The following SH3GL1 variants were observed in gnomAD, a reference collection of about 807,000 sequenced individuals.
SH3GL1 encodes the protein endophilin-A2.
Under a neutral mutation model 48.8 loss-of-function variants are expected in SH3GL1, and 21 were observed. The ratio of observed to expected loss-of-function variants is 0.43; its 90% confidence interval spans 0.30 to 0.62. SH3GL1 has a LOEUF of 0.62. SH3GL1 is among the 20% of genes least tolerant of loss of function. SH3GL1 has a pLI of 0.11. For missense variants in SH3GL1, 454 were observed against 503.0 expected (o/e 0.90, Z 0.93); for synonymous variants, 282 against 217.5 (o/e 1.30, Z -2.61).
At chr19:4,391,669 C>A (rs1359151096) in intron 1 of SH3GL1, among the ~76,000 whole-genome samples, 4 of 152,308 alleles carry the variant, frequency 2.6e-5, no homozygotes, top group African/African-American at 9.6e-5. Context: ...CCAGGTGAGC[C>A]AGGTTTCACA....
intron 3 of SH3GL1, among the ~76,000 whole-genome samples, chr19:4,366,051 C>T (rs183768279): frequency 5.3e-5 from 8 of 152,150 alleles, no homozygotes; most frequent in African/African-American, 1.2e-4. Context: ...GCTGGGTGTG[C>T]GTCTGCCCCC....
chr19:4,376,103 G>A lies in SH3GL1; in HGVS notation c.46-9109C>T, dbSNP rs770317936. Among the ~76,000 whole-genome samples the A allele has an allele frequency of 3.3e-5, 5 of 152,228 alleles. No homozygotes were observed. The highest frequency in any genetic ancestry group is 5.9e-5 in the Non-Finnish European group (4 of 68,038). On this transcript the variant is annotated intron_variant, in intron 1 of 9. Transcript: ENST00000269886. The surrounding 1 kb of genome is among the most constrained non-coding windows in gnomAD (Gnocchi z 4.3). Reference sequence around the variant, plus strand: ...AGGCTGCAGGTGCACAGATCTCAACGAGGGGCCGTGAGTTCCCTCACTCCC... The same window carrying A: ...AGGCTGCAGGTGCACAGATCTCAACAAGGGGCCGTGAGTTCCCTCACTCCC...
intron 1 of SH3GL1, among the ~76,000 whole-genome samples, chr19:4,385,295 T>C (rs1973215895): frequency 6.6e-6 from 1 of 152,180 alleles, no homozygotes; most frequent in Admixed American, 6.5e-5. Flanking sequence ...CATTCTTAGC[T>C]GCCTTTCTGG....
At chr19:4,381,257 TCTG>T in intron 1 of SH3GL1, among the ~76,000 whole-genome samples, 2 of 109,978 alleles carry the variant, frequency 1.8e-5, no homozygotes, top group Non-Finnish European at 3.8e-5. Flanking sequence ...TCTGCCTCTC[TCTG>T]TCCCCCTACC....
At chr19:4,396,834 T>C (rs1310918776) in intron 1 of SH3GL1, among the ~76,000 whole-genome samples, 1 of 152,104 alleles carries the variant, frequency 6.6e-6, no homozygotes, top group African/African-American at 2.4e-5. Context: ...ACCAAAAAGG[T>C]CCCAGACATT....
intron 1 of SH3GL1, among the ~76,000 whole-genome samples, chr19:4,398,628 C>T (rs1421033466): frequency 6.6e-6 from 1 of 152,164 alleles, no homozygotes; most frequent in African/African-American, 2.4e-5. Flanking sequence ...CCGCCTCGGC[C>T]TCCCAAACTG....
In SH3GL1 at chr19:4,400,166, G is replaced by T. The variant is rs1319142703; in HGVS notation, c.45+158C>A. On this transcript the variant is annotated intron_variant, in intron 1 of 9. Transcript: ENST00000269886. The surrounding 1 kb of genome is among the most constrained non-coding windows in gnomAD (Gnocchi z 4.1). ...CGGGCAGGGCCTGGGCCACCTCGTC[G>T]CCCCCGTCCGTCCCTTGGTCTTCCC... 6.6e-6 allele frequency among the ~76,000 whole-genome samples: 1 copy of T among 152,120 alleles called. No individual in the cohort carries two copies. Among genetic ancestry groups the T allele is most frequent in the East Asian group, 1.9e-4 (1 of 5,174 alleles).
chr19:4,360,948 C>G lies in SH3GL1; in HGVS notation c.*652G>C. ...GCAGGGCCCTGCAGGAGACCATGTT[C>G]TCTGTCCTCAGGCAGATCCCAGCTG... is the stretch of plus-strand genomic sequence containing the variant. On this transcript the variant is annotated 3_prime_UTR_variant, in exon 10 of 10. Transcript: ENST00000269886. The G allele has an allele frequency of 4.3e-6, 1 of 233,522 alleles. No homozygotes were observed. The highest frequency in any genetic ancestry group is 6.0e-5 in the East Asian group (1 of 16,578). 14.5% of individuals were successfully genotyped at this position (233,522 alleles called of 1,614,324 possible).
intron 1 of SH3GL1, among the ~76,000 whole-genome samples, chr19:4,380,491 G>C (rs769533590): frequency 6.6e-6 from 1 of 152,186 alleles, no homozygotes. Flanking sequence ...CATGACATGA[G>C]CCTGCAGCAG....
intron 1 of SH3GL1, among the ~76,000 whole-genome samples, chr19:4,391,920 C>T (rs1406459824): frequency 5.3e-5 from 8 of 152,248 alleles, no homozygotes; most frequent in Admixed American, 5.2e-4. Flanking sequence ...CCAGTACATG[C>T]CGCACGTTCC....
At chr19:4,364,020 G>A in intron 5 of SH3GL1, 68 bp downstream of exon 5, 1 of 1,606,868 alleles carries the variant, frequency 6.2e-7, no homozygotes, top group Non-Finnish European at 8.5e-7. Context: ...AGGTGAGGGT[G>A]GCAGGAATGG....
At chr19:4,366,210 G>C (rs1330643162) in intron 3 of SH3GL1, among the ~76,000 whole-genome samples, 3 of 152,220 alleles carry the variant, frequency 2.0e-5, no homozygotes, top group Admixed American at 2.0e-4. Flanking sequence ...GATCCCACAA[G>C]TAAGCTGGGG....
chr19:4,363,103 G>A (rs899636175), intron 7 of SH3GL1, among the ~76,000 whole-genome samples: 2 of 152,194 alleles, frequency 1.3e-5, no homozygotes, highest in African/African-American at 4.8e-5. Flanking sequence ...AGGGGAGCCT[G>A]GGTGTTCCTG....
chr19:4,369,085 A>C (rs1212546957), intron 1 of SH3GL1, among the ~76,000 whole-genome samples: 1 of 152,016 alleles, frequency 6.6e-6, no homozygotes, highest in East Asian at 1.9e-4. Context: ...AGAAAGAAGA[A>C]AGAAAAAAAA....
chr19:4,371,497 CGTCTCGGGCTTG>C (rs1447540976), intron 1 of SH3GL1, among the ~76,000 whole-genome samples: 4 of 152,242 alleles, frequency 2.6e-5, no homozygotes, highest in East Asian at 1.9e-4. Context: ...CACAAATGCC[CGTCTCGGGCTTG>C]GTGCCCCAGC....
chr19:4,379,284 G>A (rs1222246414), intron 1 of SH3GL1, among the ~76,000 whole-genome samples: 3 of 152,028 alleles, frequency 2.0e-5, no homozygotes, highest in Non-Finnish European at 2.9e-5. Flanking sequence ...TGAAACCCCA[G>A]GCATGGTGGC....
intron 1 of SH3GL1, among the ~76,000 whole-genome samples, chr19:4,378,454 C>A (rs2144893735): frequency 6.6e-6 from 1 of 152,290 alleles, no homozygotes; most frequent in East Asian, 1.9e-4. Flanking sequence ...GTGGCTCACA[C>A]CTGTAATCCC....
chr19:4,366,974 T>C lies in SH3GL1; in HGVS notation c.66A>G (p.Gly22=). The change falls in exon 2 of 10, where the codon GGA becomes GGG. Residue 22 remains glycine (G), a synonymous_variant. Coordinates refer to ENST00000269886, the MANE Select transcript of SH3GL1 (RefSeq NM_003025.4). ...CATCCAGCTTGGTCCCCTCGGCCCCTCCGACCTTCTCACTGACCAGCTAGA... is the reference window on the plus strand; with the variant it reads ...CATCCAGCTTGGTCCCCTCGGCCCCCCCGACCTTCTCACTGACCAGCTAGA... ...KASQLVSEKV[G]GAEGTKLDDD... The C allele has an allele frequency of 6.2e-7, 1 of 1,614,002 alleles. No individual in the cohort carries two copies. Among genetic ancestry groups the C allele is most frequent in the Non-Finnish European group, 8.5e-7 (1 of 1,179,916 alleles).
chr19:4,387,815 C>T (rs952837032), intron 1 of SH3GL1, among the ~76,000 whole-genome samples: 6 of 152,154 alleles, frequency 3.9e-5, no homozygotes, highest in African/African-American at 7.2e-5. Flanking sequence ...TCCCGAGTAG[C>T]GGGGATTACA....
Sources: gnomAD v4.1 joint callset for allele counts (sites outside exome capture counted in the v4.1 genomes callset) on GRCh38, gnomAD v4.1.1 for gene constraint, Gnocchi (gnomAD v3.1) non-coding constraint, MANE v1.5 for transcripts, NCBI Gene and HGNC (gene_info 2026-07-23, HGNC 2026-07-21) for gene names.